LRP2: variants seen among roughly 807,000 people sequenced by gnomAD.
LRP2 encodes the protein low-density lipoprotein receptor-related protein 2.
A neutral mutation model predicts 531.0 loss-of-function variants in LRP2; 172 were observed. The ratio of observed to expected loss-of-function variants is 0.32; its 90% CI spans 0.29 to 0.37. The LOEUF (loss-of-function observed/expected upper bound fraction) is 0.37. LRP2 is among the 10% of genes least tolerant of loss of function. The probability of loss-of-function intolerance (pLI) is 1.00; values close to 1 mark genes in which losing one functional copy is unlikely to be tolerated. For synonymous variants in LRP2, 1,992 were observed against 2,027.6 expected (o/e 0.98, Z 0.47); for missense variants, 5,167 against 5,868.3 (o/e 0.88, Z 3.90).
intron 37 of LRP2, among the ~76,000 whole-genome samples, chr2:169,211,440 A>G (rs1300068560): frequency 1.3e-5 from 2 of 152,220 alleles, no homozygotes; most frequent in Non-Finnish European, 2.9e-5. Context: ...AGAGGGACTG[A>G]CACTGTGAAC....
intron 68 of LRP2, among the ~76,000 whole-genome samples, chr2:169,148,408 G>A (rs918636296): frequency 1.4e-4 from 21 of 152,146 alleles, no homozygotes; most frequent in African/African-American, 5.1e-4. Context: ...TATACCAAAA[G>A]CCAGTGAATT....
intron 35 of LRP2, among the ~76,000 whole-genome samples, chr2:169,214,821 T>G (rs1369376296): frequency 6.6e-6 from 1 of 152,186 alleles, no homozygotes; most frequent in Non-Finnish European, 1.5e-5. Context: ...AAAGCAGGCT[T>G]CACCACTGAA....
intron 1 of LRP2, among the ~76,000 whole-genome samples, chr2:169,343,262 C>A (rs1685612592): frequency 6.6e-6 from 1 of 152,154 alleles, no homozygotes; most frequent in Admixed American, 6.5e-5. Flanking sequence ...GGTGAAGAAC[C>A]AAACATTCTT....
In LRP2 at chr2:169,192,016, C is replaced by A. The variant is rs770098442; in HGVS notation, c.8848G>T (p.Asp2950Tyr). 24 of 1,612,528 alleles carry A rather than the reference C, an allele frequency of 1.5e-5. No individual in the cohort carries two copies. The highest frequency in any genetic ancestry group is 2.0e-5 in the Non-Finnish European group (24 of 1,178,738). ...RHQCQNQNCS[D>Y]SEFLCVNDRP... ...TCATTTACACAGAGAAACTCGGAAT[C>A]CGAGCAGTTTTGATTCTCTGAAACC... Residue 2950 changes from aspartate (D) to tyrosine (Y), a missense_variant, in exon 48 of 79, where the codon GAT becomes TAT. Asp to Tyr is a radical substitution (Grantham distance 160). Around this residue, in one of 6 missense-constraint regions of LRP2, gnomAD observed 1,129 missense variants for 1,362.7 expected, o/e 0.83. Transcript: ENST00000649046.
chr2:169,233,619 A>G lies in LRP2; in HGVS notation c.4921-31T>C, dbSNP rs758970398. The G allele has an allele frequency of 8.1e-6, 13 of 1,608,398 alleles. No individual in the cohort carries two copies. In the East Asian group the frequency reaches 2.7e-4, roughly 33 times the overall value. On this transcript the variant is annotated intron_variant, in intron 29 of 78. Transcript: ENST00000649046. Reference sequence around the variant, plus strand: ...AGGCAGAAGAGAACAGTGAGACCTCATCCAAAAATCAAAGCCAAGGTGCAC... The same window carrying G: ...AGGCAGAAGAGAACAGTGAGACCTCGTCCAAAAATCAAAGCCAAGGTGCAC...
intron 1 of LRP2, among the ~76,000 whole-genome samples, chr2:169,334,648 G>A (rs1389354855): frequency 6.6e-6 from 1 of 152,182 alleles, no homozygotes; most frequent in East Asian, 1.9e-4. Flanking sequence ...GACTGTCCCT[G>A]TGTCATTCCA....
intron 22 of LRP2, among the ~76,000 whole-genome samples, chr2:169,244,039 A>G (rs377496909): frequency 3.0e-4 from 45 of 152,336 alleles, no homozygotes; most frequent in African/African-American, 9.9e-4. Flanking sequence ...CCCACCCACA[A>G]CATGAAATTA....
chr2:169,261,819 G>T (rs994268261), intron 16 of LRP2, among the ~76,000 whole-genome samples: 4 of 152,056 alleles, frequency 2.6e-5, no homozygotes, highest in African/African-American at 9.7e-5. Context: ...CAATATCCTT[G>T]ATGAACATTG....
At chr2:169,329,998 C>T (rs905959489) in intron 1 of LRP2, among the ~76,000 whole-genome samples, 1 of 152,212 alleles carries the variant, frequency 6.6e-6, no homozygotes, top group African/African-American at 2.4e-5. Flanking sequence ...GTAAACTGCA[C>T]ATGAGAGGGA....
In LRP2 at chr2:169,294,531, T is replaced by C. The variant is rs945268451; in HGVS notation, c.538+69A>G. Reference sequence around the variant, plus strand: ...ACCTGAACTTGGGAAGAGATGTACATATTGGCTCTCTCAAACCAGTATAAA... The same window carrying C: ...ACCTGAACTTGGGAAGAGATGTACACATTGGCTCTCTCAAACCAGTATAAA... On this transcript the variant is annotated intron_variant, in intron 5 of 78. Coordinates refer to ENST00000649046, the MANE Select transcript of LRP2 (RefSeq NM_004525.3). 2.8e-5 allele frequency: 31 copies of C among 1,104,786 alleles called. No homozygotes were observed. In the African/African-American group the frequency reaches 4.6e-4, roughly 16 times the overall value. 68.4% of individuals were successfully genotyped at this position (1,104,786 alleles called of 1,614,324 possible).
Position 169,282,944 on chromosome 2 carries a change from C to T in LRP2, c.1100G>A (p.Gly367Asp). 1 of 1,614,070 alleles carries T rather than the reference C, an allele frequency of 6.2e-7. No individual in the cohort carries two copies. The highest frequency in any genetic ancestry group is 8.5e-7 in the Non-Finnish European group (1 of 1,179,954). The part of the protein sequence containing the change: ...ICDQKCESRP[G>D]RHLCHCEEGY... ...TTCTTCACAGTGGCACAGGTGACGG[C>T]CAGGTCGGCTTTCACACTTCTGGTC... The change falls in exon 10 of 79, where the codon GGC becomes GAC. Residue 367 changes from glycine (G) to aspartate (D), a missense_variant. Around this residue, in one of 6 missense-constraint regions of LRP2, gnomAD observed 2,811 missense variants for 3,058.0 expected, o/e 0.92. Coordinates refer to ENST00000649046, the MANE Select transcript of LRP2 (RefSeq NM_004525.3).
intron 16 of LRP2, among the ~76,000 whole-genome samples, chr2:169,263,816 A>G (rs1225210209): frequency 6.6e-6 from 1 of 152,070 alleles, no homozygotes; most frequent in Non-Finnish European, 1.5e-5. Flanking sequence ...TTGCGGCACT[A>G]TTCACAATAG....
At chr2:169,133,635 G>A (rs1685371612) in intron 76 of LRP2, among the ~76,000 whole-genome samples, 1 of 152,152 alleles carries the variant, frequency 6.6e-6, no homozygotes, top group African/African-American at 2.4e-5. Context: ...TGTCACTAAG[G>A]CCATAGTTGT....
Position 169,282,961 on chromosome 2 carries a change from C to T in LRP2, c.1083G>A (p.Lys361=), listed in dbSNP as rs1230227571. 1 of 1,614,032 alleles carries T rather than the reference C, an allele frequency of 6.2e-7. No homozygotes were observed. The highest frequency in any genetic ancestry group is 1.1e-5 in the South Asian group (1 of 91,084). ...GGTGACGGCCAGGTCGGCTTTCACA[C>T]TTCTGGTCACAAATTCCCCATATCT... is the stretch of plus-strand genomic sequence containing the variant. The part of the protein sequence containing the change: ...DCQIWGICDQ[K]CESRPGRHLC... The change falls in exon 10 of 79, where the codon AAG becomes AAA. Residue 361 remains lysine (K), a synonymous_variant. Transcript: ENST00000649046.
At chr2:169,193,150 G>C (rs1687887194) in intron 47 of LRP2, among the ~76,000 whole-genome samples, 1 of 152,148 alleles carries the variant, frequency 6.6e-6, no homozygotes, top group Non-Finnish European at 1.5e-5. Flanking sequence ...CCAACCACTG[G>C]GTGCAGTGGC....
chr2:169,157,924 AT>A (rs1363079738), intron 63 of LRP2, among the ~76,000 whole-genome samples: 3 of 139,652 alleles, frequency 2.1e-5, no homozygotes, highest in African/African-American at 8.1e-5. Flanking sequence ...ATAGAAATAA[AT>A]AAATAAATAA....
chr2:169,349,379 C>T (rs770043809), intron 1 of LRP2, among the ~76,000 whole-genome samples: 8 of 152,092 alleles, frequency 5.3e-5, no homozygotes, highest in Non-Finnish European at 1.2e-4. Flanking sequence ...AAGTGCTCAC[C>T]ATGTCAGGGA....
chr2:169,172,479 T>A (rs1687042231), intron 57 of LRP2, among the ~76,000 whole-genome samples: 1 of 152,250 alleles, frequency 6.6e-6, no homozygotes, highest in African/African-American at 2.4e-5. Context: ...GACTCAGTGT[T>A]CTTAAAAGAA....
Position 169,290,878 on chromosome 2 carries a change from C to T in LRP2, c.889G>A (p.Asp297Asn). 6.2e-7 allele frequency: 1 copy of T among 1,614,154 alleles called. No homozygotes were observed. The highest frequency in any genetic ancestry group is 8.5e-7 in the Non-Finnish European group (1 of 1,180,016). Residue 297 changes from aspartate to asparagine, a missense_variant, in exon 8 of 79, where the codon GAT becomes AAT. Asp to Asn is a conservative substitution (Grantham distance 23). This residue lies in a region of LRP2 where 2,811 missense variants were observed against 3,058.0 expected (regional missense o/e 0.92). Transcript: ENST00000649046. ...TTTCCGGTACTAGTGTTGTTTTCATCTTCTCTTCCTGGGCAATCTAAAATC... is the reference window on the plus strand; with the variant it reads ...TTTCCGGTACTAGTGTTGTTTTCATTTTCTCTTCCTGGGCAATCTAAAATC... ...DGILDCPGRE[D>N]ENNTSTGKYC...
Sources: allele counts gnomAD v4.1 joint callset (sites outside exome capture counted in the v4.1 genomes callset), GRCh38; gene constraint gnomAD v4.1.1; regional missense constraint gnomAD v4.1.1; transcripts MANE v1.5; gene names NCBI Gene and HGNC (gene_info 2026-07-23, HGNC 2026-07-21).